Variants in IL1RAPL2 observed in about 807,000 individuals in gnomAD.
IL1RAPL2 encodes the protein X-linked interleukin-1 receptor accessory protein-like 2.
In IL1RAPL2, 3 loss-of-function variants were observed where a neutral mutation model predicts 44.1. The observed-to-expected ratio is 0.07, with a 90% CI of 0.03 to 0.18. The LOEUF is 0.18. IL1RAPL2 is among the 10% of genes least tolerant of loss of function. IL1RAPL2 has a pLI of 1.00. For missense variants in IL1RAPL2, 391 were observed against 496.4 expected, an observed-to-expected ratio of 0.79 and a Z score of 2.02; for synonymous variants, 181 against 178.8, an observed-to-expected ratio of 1.01 and a Z score of -0.10.
At chrX:104,627,060 G>A (rs923411072) in intron 1 of IL1RAPL2, among the ~76,000 whole-genome samples, 3 of 109,106 alleles carry the variant, frequency 2.7e-5, no homozygotes, top group Admixed American at 9.8e-5. Flanking sequence ...CTCATGATCC[G>A]CCCGCCTCGG....
chrX:105,405,564 G>C, intron 5 of IL1RAPL2: 1 of 652,675 alleles, frequency 1.5e-6, no homozygotes, highest in Non-Finnish European at 2.3e-6. Context: ...GTGGAGGGAG[G>C]GGAAGGGCGA....
At chrX:105,091,776 G>C (rs1432786739) in intron 2 of IL1RAPL2, among the ~76,000 whole-genome samples, 1 of 111,817 alleles carries the variant, frequency 8.9e-6, no homozygotes, top group Non-Finnish European at 1.9e-5. Flanking sequence ...GTCATATCTT[G>C]TTTGTTCCCC....
intron 2 of IL1RAPL2, among the ~76,000 whole-genome samples, chrX:104,773,542 T>C (rs1932670501): frequency 9.0e-6 from 1 of 111,671 alleles, no homozygotes; most frequent in African/African-American, 3.3e-5. Context: ...CTAAGCCAAT[T>C]AGAGCCTTAC....
chrX:104,631,397 A>C (rs1440848482), intron 1 of IL1RAPL2, among the ~76,000 whole-genome samples: 237 of 111,876 alleles, frequency 2.1e-3, no homozygotes, highest in Middle Eastern at 4.7e-3. Flanking sequence ...AGTTCTAGAT[A>C]CCTGAGGAAT....
At chrX:105,310,841 G>A (rs947556114) in intron 5 of IL1RAPL2, among the ~76,000 whole-genome samples, 4 of 111,598 alleles carry the variant, frequency 3.6e-5, no homozygotes, top group Admixed American at 2.9e-4. Flanking sequence ...CTCACATTGT[G>A]TAATTTATTG....
intron 6 of IL1RAPL2, among the ~76,000 whole-genome samples, chrX:105,675,835 G>C (rs779224488): frequency 9.0e-6 from 1 of 111,256 alleles, no homozygotes; most frequent in South Asian, 3.8e-4. Context: ...CTTTAATTTT[G>C]GAACTTATTA....
intron 6 of IL1RAPL2, among the ~76,000 whole-genome samples, chrX:105,555,220 A>G (rs1458724816): frequency 9.1e-6 from 1 of 110,009 alleles, no homozygotes; most frequent in East Asian, 2.8e-4. Flanking sequence ...TCTGCTTTGC[A>G]TATCTCAGGT....
At chrX:105,521,400 C>T (rs1244924276) in intron 6 of IL1RAPL2, among the ~76,000 whole-genome samples, 3 of 110,992 alleles carry the variant, frequency 2.7e-5, no homozygotes, top group South Asian at 7.7e-4. Flanking sequence ...TAGATTGTGA[C>T]TTTTATTAAT....
At chrX:105,275,537 A>G (rs1010871656) in intron 5 of IL1RAPL2, among the ~76,000 whole-genome samples, 1 of 112,248 alleles carries the variant, frequency 8.9e-6, no homozygotes, top group Non-Finnish European at 1.9e-5. Context: ...ATCTACATCT[A>G]TAAGTGCTGA....
intron 7 of IL1RAPL2, among the ~76,000 whole-genome samples, chrX:105,731,138 A>C (rs2038402195): frequency 9.0e-6 from 1 of 111,255 alleles, no homozygotes; most frequent in African/African-American, 3.3e-5. Context: ...AGACTAACCA[A>C]GAATAAAAGA....
chrX:104,950,958 C>T (rs947410680), intron 2 of IL1RAPL2, among the ~76,000 whole-genome samples: 2 of 111,749 alleles, frequency 1.8e-5, no homozygotes, highest in Admixed American at 9.5e-5. Flanking sequence ...CCGTCTGTCA[C>T]CCCTTTCTTT....
chrX:105,642,333 G>C (rs1488731770), intron 6 of IL1RAPL2, among the ~76,000 whole-genome samples: 3 of 112,279 alleles, frequency 2.7e-5, no homozygotes, highest in Non-Finnish European at 3.8e-5. Context: ...TGTAGGAATT[G>C]CAAGTGGAAT....
chrX:105,389,654 G>T (rs1183816119), intron 5 of IL1RAPL2, among the ~76,000 whole-genome samples: 1 of 111,466 alleles, frequency 9.0e-6, no homozygotes, highest in Admixed American at 9.6e-5. Flanking sequence ...TACAGAGGAT[G>T]GTTCACTTTG....
intron 2 of IL1RAPL2, among the ~76,000 whole-genome samples, chrX:105,099,047 G>A (rs2032637570): frequency 8.9e-6 from 1 of 112,302 alleles, no homozygotes; most frequent in Admixed American, 9.5e-5. Flanking sequence ...CATTTGGTGA[G>A]CAAATACTCT....
intron 2 of IL1RAPL2, among the ~76,000 whole-genome samples, chrX:104,965,836 A>G (rs2030110774): frequency 8.9e-6 from 1 of 111,785 alleles, no homozygotes; most frequent in Non-Finnish European, 1.9e-5. Flanking sequence ...AGAATGAGCT[A>G]TAAGAAAAAT....
At chrX:105,307,155 A>T (rs763433069) in intron 5 of IL1RAPL2, among the ~76,000 whole-genome samples, 1 of 108,291 alleles carries the variant, frequency 9.2e-6, no homozygotes, top group Admixed American at 1.0e-4. Flanking sequence ...TGTCCCCATA[A>T]TCCAATCACT....
intron 6 of IL1RAPL2, among the ~76,000 whole-genome samples, chrX:105,637,864 G>A (rs2037535847): frequency 9.1e-6 from 1 of 109,330 alleles, no homozygotes; most frequent in Non-Finnish European, 1.9e-5. Flanking sequence ...GTCACTCTAA[G>A]AAATCAAAAA....
chrX:104,744,100 G>A (rs1489647940), intron 2 of IL1RAPL2, among the ~76,000 whole-genome samples: 1 of 110,860 alleles, frequency 9.0e-6, no homozygotes, highest in Non-Finnish European at 1.9e-5. Context: ...AAAGGGATGG[G>A]TGGCTGGGTG....
At chrX:104,920,072 C>T (rs1924588194) in intron 2 of IL1RAPL2, among the ~76,000 whole-genome samples, 1 of 111,195 alleles carries the variant, frequency 9.0e-6, no homozygotes, top group Admixed American at 9.5e-5. Flanking sequence ...AGACTCTGAC[C>T]AATGGAGACT....
Sources: gnomAD v4.1 joint callset for allele counts (sites outside exome capture counted in the v4.1 genomes callset) on GRCh38, gnomAD v4.1.1 for gene constraint, MANE v1.5 for transcripts, NCBI Gene and HGNC (gene_info 2026-07-23, HGNC 2026-07-21) for gene names.